NECAB2: variants seen among roughly 807,000 people sequenced by gnomAD.
The protein encoded by NECAB2 is N-terminal EF-hand calcium binding protein 2, also known as N-terminal EF-hand calcium-binding protein 2.
NECAB2 carries 68 observed loss-of-function variants against 51.9 expected under a neutral mutation model. That is an observed-to-expected ratio of 1.31 (90% confidence interval 1.08 to 1.60). The LOEUF (loss-of-function observed/expected upper bound fraction) is 1.60, where lower values mean the gene tolerates loss of function less well. Among genes scored for constraint, NECAB2 ranks in the 40% most tolerant of loss-of-function variants. The pLI, the probability that NECAB2 is intolerant of heterozygous loss-of-function variation, is 0.00. For synonymous variants in NECAB2, 329 were observed against 203.5 expected (o/e 1.62, Z -5.25); for missense variants, 854 against 490.3 (o/e 1.74, Z -7.00).
intron 9 of NECAB2, among the ~76,000 whole-genome samples, 182 bp downstream of exon 9, chr16:83,997,451 C>T (rs377434483): frequency 2.4e-4 from 35 of 143,330 alleles, no homozygotes; most frequent in South Asian, 2.4e-3. Flanking sequence ...CCACCAACTC[C>T]GGGGGTATTT....
At chr16:83,994,805 A>T in intron 8 of NECAB2, 117 bp downstream of exon 8, 1 of 1,185,540 alleles carries the variant, frequency 8.4e-7, no homozygotes, top group Non-Finnish European at 1.2e-6. Context: ...ACCATGAAAA[A>T]GACATCCCCC....
At chr16:84,000,547 G>T (rs142936891) in intron 10 of NECAB2, among the ~76,000 whole-genome samples, 177 bp from the exon 11 acceptor site, 233 of 152,314 alleles carry the variant, frequency 1.5e-3, no homozygotes, top group African/African-American at 5.4e-3. Flanking sequence ...TAAGAAGCCA[G>T]GCCTTATTCC....
chr16:84,001,935 G>C lies in NECAB2; in HGVS notation c.1132+19G>C, dbSNP rs201544501. The C allele has an allele frequency of 2.3e-5, 37 of 1,611,078 alleles. 1 individual carries two copies. The highest frequency in any genetic ancestry group is 3.0e-5 in the Non-Finnish European group (35 of 1,178,168). On this transcript the variant is annotated intron_variant, in intron 12 of 12. Transcript: ENST00000305202. The stretch of plus-strand genomic sequence containing the variant: ...GTGCCAGGTAGGGGGCAAAGGCCTG[G>C]AACTGCAGTGGCCACCTGACTGGAG...
At chr16:83,971,769 G>A (rs976236281) in intron 1 of NECAB2, 8 of 336,314 alleles carry the variant, frequency 2.4e-5, no homozygotes, top group East Asian at 6.5e-5. Context: ...AGGTTGTGGC[G>A]CTCCCTGGGA....
At chr16:83,998,123 G>A (rs1263805042) in intron 9 of NECAB2, 82 bp from the exon 10 acceptor site, 5 of 1,214,214 alleles carry the variant, frequency 4.1e-6, no homozygotes, top group Admixed American at 2.0e-5. Flanking sequence ...GACCGAGGAA[G>A]GGAGGTCATG....
chr16:83,973,092 C>T (rs1207483524), intron 2 of NECAB2, among the ~76,000 whole-genome samples: 2 of 152,178 alleles, frequency 1.3e-5, no homozygotes, highest in African/African-American at 2.4e-5. Context: ...TAAAGAGAAT[C>T]GCGTGCTCCC....
chr16:83,998,157 A>G, intron 9 of NECAB2, 48 bp from the exon 10 acceptor site: 1 of 1,564,824 alleles, frequency 6.4e-7, no homozygotes. Flanking sequence ...GTGTTTAGGG[A>G]GAAGGCCTGA....
intron 2 of NECAB2, among the ~76,000 whole-genome samples, chr16:83,973,877 C>T (rs547873397): frequency 3.9e-5 from 6 of 152,014 alleles, no homozygotes; most frequent in Admixed American, 1.3e-4. Context: ...CTGTGCATCC[C>T]GAGTGTGTGT....
chr16:83,978,659 G>T, intron 3 of NECAB2, 107 bp downstream of exon 3: 1 of 958,336 alleles, frequency 1.0e-6, no homozygotes, highest in Non-Finnish European at 1.6e-6. Flanking sequence ...CAGGAGAACT[G>T]AAAATCCCCA....
At position 84,001,985 on chromosome 16, in the gene NECAB2, C is replaced by A. The variant is rs539169430; in HGVS notation, c.1132+69C>A. 62 of 1,511,036 alleles carry A rather than the reference C, an allele frequency of 4.1e-5. No individual in the cohort carries two copies. In the South Asian group the frequency reaches 7.1e-4, roughly 17 times the overall value. 93.6% of individuals were successfully genotyped at this position (1,511,036 alleles called of 1,614,324 possible). On this transcript the variant is annotated intron_variant, in intron 12 of 12. Coordinates refer to ENST00000305202, the MANE Select transcript of NECAB2 (RefSeq NM_019065.3). ...GAGAAGGGCAAGAGCCTAGAGGCTG[C>A]CCCATATCTCCCGGGGACTTGCCTG... is the stretch of plus-strand genomic sequence containing the variant.
Position 84,002,462 on chromosome 16 carries a change from CAAG to C in NECAB2, c.*120_*122del, listed in dbSNP as rs142896025. ...AAGCTTCTTTTCAATCCATCCTCCA[CAAG>C]AAGGTGTTTCCCTGTTGTTAAGTGA... is the stretch of plus-strand genomic sequence containing the variant. On this transcript the variant is annotated 3_prime_UTR_variant, in exon 13 of 13. Transcript: ENST00000305202. 0.011 allele frequency: 14,891 copies of C among 1,367,224 alleles called. 114 individuals are homozygous for C. The highest frequency in any genetic ancestry group is 0.013 in the Non-Finnish European group (12,545 of 966,612). 84.7% of individuals were successfully genotyped at this position (1,367,224 alleles called of 1,614,324 possible).
At chr16:83,989,279 T>G (rs970157526) in intron 5 of NECAB2, among the ~76,000 whole-genome samples, 6 of 152,190 alleles carry the variant, frequency 3.9e-5, no homozygotes, top group African/African-American at 1.4e-4. Flanking sequence ...GTTTTGGCCA[T>G]GTACTCTGTC....
At chr16:83,984,095 A>C (rs1271501375) in intron 5 of NECAB2, among the ~76,000 whole-genome samples, 1 of 148,484 alleles carries the variant, frequency 6.7e-6, no homozygotes, top group Non-Finnish European at 1.5e-5. Flanking sequence ...TCCCGGGTTC[A>C]CGCCATTCTC....
intron 11 of NECAB2, among the ~76,000 whole-genome samples, chr16:84,001,348 C>T (rs1162178059): frequency 3.3e-5 from 5 of 152,016 alleles, no homozygotes; most frequent in African/African-American, 7.3e-5. Flanking sequence ...AGGGGTAGCC[C>T]ATGCCCCCAT....
At chr16:83,969,206 C>T (rs1597190067) in intron 1 of NECAB2, among the ~76,000 whole-genome samples, 2 of 152,000 alleles carry the variant, frequency 1.3e-5, no homozygotes, top group South Asian at 4.1e-4. Context: ...CGGAGCCCCT[C>T]GCCGCGTCCA....
intron 5 of NECAB2, among the ~76,000 whole-genome samples, chr16:83,983,937 C>G (rs1365226781): frequency 1.3e-5 from 2 of 150,792 alleles, no homozygotes; most frequent in African/African-American, 4.9e-5. Flanking sequence ...TTAAGGTCAT[C>G]TCTACTTTTA....
intron 5 of NECAB2, among the ~76,000 whole-genome samples, 153 bp from the exon 6 acceptor site, chr16:83,990,341 C>A (rs2084606231): frequency 6.6e-6 from 1 of 152,198 alleles, no homozygotes; most frequent in African/African-American, 2.4e-5. Flanking sequence ...GCTACAGCCT[C>A]TAAGACTGGA....
In NECAB2 at chr16:83,981,214, G is replaced by A. The variant is rs2084485470; in HGVS notation, c.459+87G>A. On this transcript the variant is annotated intron_variant, in intron 5 of 12. Transcript: ENST00000305202. Reference sequence around the variant, plus strand: ...GCCTAAGGATGCCTGGATTTTTGAAGACAGGCCGCCAGGGAGGCCTATCTC... The same window carrying A: ...GCCTAAGGATGCCTGGATTTTTGAAAACAGGCCGCCAGGGAGGCCTATCTC... The A allele has an allele frequency of 4.0e-6, 5 of 1,260,258 alleles. No homozygotes were observed. The Admixed American group carries it at 9.1e-5, about 23-fold the overall frequency. 78.1% of individuals were successfully genotyped at this position (1,260,258 alleles called of 1,614,324 possible).
At position 83,968,438 on chromosome 16, in the gene NECAB2, G is replaced by T. The variant is rs1040994820; in HGVS notation, c.-211G>T. Among the ~76,000 whole-genome samples the T allele has an allele frequency of 2.0e-5, 3 of 147,346 alleles. No homozygotes were observed. The highest frequency in any genetic ancestry group is 7.4e-5 in the African/African-American group (3 of 40,750). The stretch of plus-strand genomic sequence containing the variant: ...CCTCAGGCCCCGCGCCCGGCCGGCG[G>T]GGGTGGGGGCGGCGGGGAGCGGGCA... On this transcript the variant is annotated 5_prime_UTR_variant, in exon 1 of 13. Transcript: ENST00000305202.
Sources: gnomAD v4.1 joint callset for allele counts (sites outside exome capture counted in the v4.1 genomes callset) on GRCh38, gnomAD v4.1.1 for gene constraint, MANE v1.5 for transcripts, NCBI Gene and HGNC (gene_info 2026-07-23, HGNC 2026-07-21) for gene names.